Variants in SLCO1A2 observed in about 807,000 individuals in gnomAD.
SLCO1A2 encodes solute carrier organic anion transporter family member 1A2, also known as OATP-1.
A neutral mutation model predicts 69.0 loss-of-function variants in SLCO1A2; 67 were observed. That is an observed-to-expected ratio of 0.97 (90% CI 0.80 to 1.19). SLCO1A2 has a LOEUF of 1.19. Ranked by LOEUF, SLCO1A2 falls within the 50% of genes most tolerant of loss-of-function variation. SLCO1A2 has a pLI of 0.00. For synonymous variants in SLCO1A2, 260 were observed against 265.9 expected, an observed-to-expected ratio of 0.98 and a Z score of 0.22; for missense variants, 787 against 793.7, an observed-to-expected ratio of 0.99 and a Z score of 0.10.
intron 2 of SLCO1A2, among the ~76,000 whole-genome samples, chr12:21,329,989 A>G (rs920492091): frequency 1.3e-5 from 2 of 152,008 alleles, no homozygotes; most frequent in Non-Finnish European, 2.9e-5. Flanking sequence ...TATGAATTAA[A>G]AGGCATCTTT....
intron 7 of SLCO1A2, 152 bp downstream of exon 7, chr12:21,301,019 G>C (rs1948646964): frequency 2.1e-6 from 1 of 465,826 alleles, no homozygotes; most frequent in Admixed American, 4.0e-5. Flanking sequence ...TATTTTAAAA[G>C]TTATTTAAAT....
At position 21,264,929 on chromosome 12, in the gene SLCO1A2, C is replaced by G. The variant is rs996496007; in HGVS notation, c.*4619G>C. 2.6e-5 allele frequency: 4 copies of G among 152,464 alleles called. No homozygotes were observed. Among genetic ancestry groups the G allele is most frequent in the Non-Finnish European group, 5.9e-5 (4 of 68,274 alleles). The allele number at this position is 152,464 out of a possible 1,614,324, so 9.4% of individuals were successfully genotyped here. A position where few individuals can be genotyped will look rare whatever the true frequency, so the allele number is the denominator to read the frequency against. On this transcript the variant is annotated 3_prime_UTR_variant, in exon 15 of 15. Transcript: ENST00000683939. ...GTGTGGGGAATGGTGACAATGGAGGCACTGCCCATCTTCCCATGACTCTCT... is the reference window on the plus strand; with the variant it reads ...GTGTGGGGAATGGTGACAATGGAGGGACTGCCCATCTTCCCATGACTCTCT...
chr12:21,380,022 C>T (rs1024681750), intron 1 of SLCO1A2: 2 of 152,104 alleles, frequency 1.3e-5, no homozygotes, highest in Admixed American at 6.6e-5. Flanking sequence ...AAAGTGGCCT[C>T]AAACCCAATA....
intron 2 of SLCO1A2, among the ~76,000 whole-genome samples, chr12:21,371,327 G>A (rs964459443): frequency 2.0e-5 from 3 of 152,070 alleles, no homozygotes; most frequent in Non-Finnish European, 4.4e-5. Context: ...GTCTAGTCCT[G>A]CCTCCTACCT....
intron 2 of SLCO1A2, among the ~76,000 whole-genome samples, chr12:21,323,762 A>C (rs191479190): frequency 6.6e-6 from 1 of 152,336 alleles, no homozygotes; most frequent in African/African-American, 2.4e-5. Flanking sequence ...AAGATGCCTC[A>C]TAATAGCTCA....
chr12:21,360,780 C>T (rs1052092730), intron 2 of SLCO1A2, among the ~76,000 whole-genome samples: 9 of 152,330 alleles, frequency 5.9e-5, no homozygotes, highest in African/African-American at 2.2e-4. Flanking sequence ...CACGGAGGCT[C>T]GCTCACTGCT....
chr12:21,296,636 C>T (rs912724665), intron 9 of SLCO1A2, among the ~76,000 whole-genome samples: 3 of 152,112 alleles, frequency 2.0e-5, no homozygotes, highest in Admixed American at 6.6e-5. Flanking sequence ...CTCTCTGAAC[C>T]CTTCCCAATA....
intron 2 of SLCO1A2, among the ~76,000 whole-genome samples, chr12:21,319,752 T>C (rs1951372065): frequency 1.3e-5 from 2 of 152,134 alleles, no homozygotes; most frequent in South Asian, 4.1e-4. Flanking sequence ...CTTCCTATTA[T>C]TGGTATAGTT....
intron 1 of SLCO1A2, among the ~76,000 whole-genome samples, chr12:21,377,884 C>T (rs1302867455): frequency 6.6e-6 from 1 of 151,530 alleles, no homozygotes; most frequent in Non-Finnish European, 1.5e-5. Context: ...TAAATTTTAC[C>T]TTCTAAATTC....
At chr12:21,351,650 C>A (rs773487298) in intron 2 of SLCO1A2, among the ~76,000 whole-genome samples, 4 of 151,646 alleles carry the variant, frequency 2.6e-5, no homozygotes, top group African/African-American at 9.7e-5. Context: ...TGGTGGTGGG[C>A]GCCTGTAATC....
At chr12:21,368,222 A>G (rs1248449134) in intron 2 of SLCO1A2, among the ~76,000 whole-genome samples, 2 of 152,188 alleles carry the variant, frequency 1.3e-5, no homozygotes, top group East Asian at 3.8e-4. Flanking sequence ...TGGAAGCCGA[A>G]TCATATCAAG....
upstream of SLCO1A2, among the ~76,000 whole-genome samples, chr12:21,339,573 G>C (rs1952999903): frequency 6.6e-6 from 1 of 151,994 alleles, no homozygotes; most frequent in African/African-American, 2.4e-5. Context: ...TAATTTAATA[G>C]AGGGATATTA....
rs1182694682 is a variant in SLCO1A2, at chr12:21,343,342, T to C, written c.-62-8633A>G. Among the ~76,000 whole-genome samples the C allele has an allele frequency of 3.9e-5, 6 of 152,162 alleles. No individual in the cohort carries two copies. The East Asian group carries it at 7.7e-4, about 20-fold the overall frequency. On this transcript the variant is annotated intron_variant, in intron 2 of 15. Transcript: ENST00000307378. Reference sequence around the variant, plus strand: ...ATGAGACTTAATATCTCTTCACATATAGCACTCATGGCAAGGTCTTGTACG... The same window carrying C: ...ATGAGACTTAATATCTCTTCACATACAGCACTCATGGCAAGGTCTTGTACG...
At chr12:21,295,242 A>G (rs1269404028) in intron 10 of SLCO1A2, 1 of 161,624 alleles carries the variant, frequency 6.2e-6, no homozygotes, top group Non-Finnish European at 1.3e-5. Context: ...AGTTTTACTC[A>G]GTTATGGGAG....
intron 2 of SLCO1A2, among the ~76,000 whole-genome samples, chr12:21,340,087 CAGG>C (rs1319825268): frequency 6.6e-6 from 1 of 151,948 alleles, no homozygotes; most frequent in Admixed American, 6.6e-5. Flanking sequence ...GAAAAAAATT[CAGG>C]AGATTTACAA....
In SLCO1A2 at chr12:21,269,470, A is replaced by T; in HGVS notation, c.*78T>A. 4 of 1,060,362 alleles carry T rather than the reference A, an allele frequency of 3.8e-6. No homozygotes were observed. Among genetic ancestry groups the T allele is most frequent in the South Asian group, 1.6e-5 (1 of 62,654 alleles). The allele number at this position is 1,060,362 out of a possible 1,614,324, so 65.7% of individuals were successfully genotyped here. A position where few individuals can be genotyped will look rare whatever the true frequency, so the allele number is the denominator to read the frequency against. ...TAAAGACAAGAAAAAGTTATCTATT[A>T]TATCTCTACTGATTTTTAAAACAAT... On this transcript the variant is annotated 3_prime_UTR_variant, in exon 15 of 15. Coordinates refer to ENST00000683939, the MANE Select transcript of SLCO1A2 (RefSeq NM_001386879.1).
chr12:21,349,464 T>G (rs1937755835), intron 2 of SLCO1A2, among the ~76,000 whole-genome samples: 1 of 152,190 alleles, frequency 6.6e-6, no homozygotes, highest in African/African-American at 2.4e-5. Flanking sequence ...TAACATACAC[T>G]GCAAGCCGTT....
At chr12:21,413,997 CT>C (rs1469102949) in intron 1 of SLCO1A2, among the ~76,000 whole-genome samples, 1 of 152,160 alleles carries the variant, frequency 6.6e-6, no homozygotes, top group Non-Finnish European at 1.5e-5. Flanking sequence ...CTCTGACCTT[CT>C]AGTTGAAACA....
At chr12:21,383,215 G>A (rs1226513511) in intron 1 of SLCO1A2, among the ~76,000 whole-genome samples, 1 of 152,112 alleles carries the variant, frequency 6.6e-6, no homozygotes, top group Non-Finnish European at 1.5e-5. Context: ...TTCCAACACT[G>A]AAAGATTGCT....
Sources: allele counts gnomAD v4.1 joint callset (sites outside exome capture counted in the v4.1 genomes callset), GRCh38; gene constraint gnomAD v4.1.1; transcripts MANE v1.5; gene names NCBI Gene and HGNC (gene_info 2026-07-23, HGNC 2026-07-21).